Variants in LSAMP observed in about 807,000 individuals in gnomAD.
LSAMP encodes limbic system associated membrane protein.
LSAMP carries 7 observed loss-of-function variants against 38.6 expected under a neutral mutation model. That is an observed-to-expected ratio of 0.18 (90% CI 0.10 to 0.34). The LOEUF (loss-of-function observed/expected upper bound fraction) is 0.34. Among genes scored for constraint, LSAMP ranks in the 10% least tolerant of loss-of-function variants. The probability of loss-of-function intolerance (pLI) is 1.00; values close to 1 mark genes in which losing one functional copy is unlikely to be tolerated. For synonymous variants in LSAMP, 154 were observed against 166.8 expected, an observed-to-expected ratio of 0.92 and a Z score of 0.59; for missense variants, 313 against 420.0, an observed-to-expected ratio of 0.75 and a Z score of 2.23.
intron 4 of LSAMP, among the ~76,000 whole-genome samples, chr3:115,848,903 C>T (rs73858084): frequency 0.055 from 8,389 of 152,168 alleles, 773 homozygotes; most frequent in African/African-American, 0.19. Flanking sequence ...TTGAAAGAGT[C>T]TAGATAAAAT....
intron 1 of LSAMP, among the ~76,000 whole-genome samples, chr3:116,398,779 A>C (rs1294406440): frequency 1.3e-5 from 2 of 152,228 alleles, no homozygotes; most frequent in South Asian, 2.1e-4. Flanking sequence ...TGTGCACTAG[A>C]TGCTAAAGAT....
At chr3:116,347,553 C>T (rs918712321) in intron 1 of LSAMP, among the ~76,000 whole-genome samples, 3 of 152,264 alleles carry the variant, frequency 2.0e-5, no homozygotes, top group East Asian at 3.9e-4. Context: ...CTCTCTCCCC[C>T]AACCCACCCC....
At chr3:115,837,673 T>C (rs964056842) in intron 6 of LSAMP, among the ~76,000 whole-genome samples, 1 of 151,998 alleles carries the variant, frequency 6.6e-6, no homozygotes, top group Non-Finnish European at 1.5e-5. Context: ...GAAAAAAAAA[T>C]AGATTCTGCT....
At chr3:115,878,357 A>G (rs1202830462) in intron 3 of LSAMP, among the ~76,000 whole-genome samples, 1 of 151,982 alleles carries the variant, frequency 6.6e-6, no homozygotes. Context: ...TTCTGGTTAT[A>G]AAGAGTGACA....
intron 1 of LSAMP, among the ~76,000 whole-genome samples, chr3:116,189,064 T>C (rs1710692635): frequency 6.6e-6 from 1 of 152,214 alleles, no homozygotes; most frequent in South Asian, 2.1e-4. Context: ...TAAGCTTCTA[T>C]TCTAGTGAGG....
intron 1 of LSAMP, among the ~76,000 whole-genome samples, chr3:116,412,012 T>G (rs1447254404): frequency 2.0e-5 from 3 of 152,000 alleles, no homozygotes; most frequent in African/African-American, 7.2e-5. Flanking sequence ...GCTCTTGCAT[T>G]TCTCAGCCTC....
chr3:116,330,305 C>T (rs1451429390), intron 1 of LSAMP, among the ~76,000 whole-genome samples: 3 of 152,086 alleles, frequency 2.0e-5, no homozygotes, highest in Non-Finnish European at 4.4e-5. Flanking sequence ...TCCCACATTC[C>T]GAGCTCTGTG....
chr3:115,913,815 C>G (rs897775369), intron 3 of LSAMP, among the ~76,000 whole-genome samples: 8 of 151,984 alleles, frequency 5.3e-5, no homozygotes, highest in Non-Finnish European at 1.2e-4. Flanking sequence ...ATGCATGTGT[C>G]CCAAGTGCCT....
At chr3:116,061,945 T>C (rs939658074) in intron 2 of LSAMP, among the ~76,000 whole-genome samples, 1 of 152,210 alleles carries the variant, frequency 6.6e-6, no homozygotes, top group Non-Finnish European at 1.5e-5. Context: ...TGAAAGACAA[T>C]GTGACTCTGT....
intron 1 of LSAMP, among the ~76,000 whole-genome samples, chr3:116,180,494 G>A (rs1402810983): frequency 3.3e-5 from 5 of 152,066 alleles, no homozygotes; most frequent in Admixed American, 2.0e-4. Flanking sequence ...TTCTGGGAGA[G>A]TGAAGAACAT....
chr3:115,831,517 G>A (rs1258232701), intron 6 of LSAMP, among the ~76,000 whole-genome samples: 1 of 152,168 alleles, frequency 6.6e-6, no homozygotes, highest in Non-Finnish European at 1.5e-5. Context: ...GTCTCTGGGT[G>A]CACTTCCATT....
chr3:115,817,338 G>A (rs557910113), intron 6 of LSAMP, among the ~76,000 whole-genome samples: 4 of 152,052 alleles, frequency 2.6e-5, no homozygotes, highest in South Asian at 2.1e-4. Context: ...TTATAGTTTC[G>A]TCCTCTTCAT....
intron 1 of LSAMP, among the ~76,000 whole-genome samples, chr3:116,193,969 G>A (rs189859223): frequency 6.6e-6 from 1 of 152,130 alleles, no homozygotes; most frequent in South Asian, 2.1e-4. Flanking sequence ...CACAGTGTTT[G>A]CTAAGTCATG....
intron 3 of LSAMP, among the ~76,000 whole-genome samples, chr3:115,944,193 A>G (rs1938021463): frequency 6.6e-6 from 1 of 152,166 alleles, no homozygotes; most frequent in African/African-American, 2.4e-5. Context: ...AACTCTTCTC[A>G]GTAGGAATGT....
At chr3:116,394,669 CTTGATATCAA>C (rs2048745365) in intron 1 of LSAMP, among the ~76,000 whole-genome samples, 1 of 150,806 alleles carries the variant, frequency 6.6e-6, no homozygotes, top group Non-Finnish European at 1.5e-5. Flanking sequence ...ATCCTTGATG[CTTGATATCAA>C]GTGACTTTTT....
chr3:116,409,284 A>T (rs1312021699), intron 1 of LSAMP, among the ~76,000 whole-genome samples: 2 of 152,002 alleles, frequency 1.3e-5, no homozygotes, highest in Non-Finnish European at 2.9e-5. Context: ...ATGCTTTAGG[A>T]TGACTTCAGT....
At chr3:116,436,974 G>A (rs7636137) in intron 1 of LSAMP, among the ~76,000 whole-genome samples, 2,366 of 151,150 alleles carry the variant, frequency 0.016, 72 homozygotes, top group African/African-American at 0.055. Flanking sequence ...GATAAAGAAA[G>A]TGTGGCATAT....
chr3:116,193,786 C>T (rs142473663), intron 1 of LSAMP, among the ~76,000 whole-genome samples: 5 of 152,198 alleles, frequency 3.3e-5, no homozygotes, highest in Middle Eastern at 3.4e-3. Context: ...TAAAACATTA[C>T]AGTGAAATGA....
chr3:116,333,264 G>C (rs977139821), intron 1 of LSAMP, among the ~76,000 whole-genome samples: 5 of 152,064 alleles, frequency 3.3e-5, no homozygotes, highest in Admixed American at 1.3e-4. Context: ...AAATAGGCCG[G>C]GTGTGGTGGC....
Sources: allele counts gnomAD v4.1 joint callset (sites outside exome capture counted in the v4.1 genomes callset), GRCh38; gene constraint gnomAD v4.1.1; transcripts MANE v1.5; gene names NCBI Gene and HGNC (gene_info 2026-07-23, HGNC 2026-07-21).